Variants in VIPR1 observed in about 807,000 individuals in gnomAD.
VIPR1 encodes the protein vasoactive intestinal polypeptide receptor 1.
VIPR1 carries 59 observed loss-of-function variants against 58.8 expected under a neutral mutation model. That is an observed-to-expected ratio of 1.00 (90% CI 0.81 to 1.25). The LOEUF (loss-of-function observed/expected upper bound fraction) is 1.25, where lower values mean the gene tolerates loss of function less well. Among genes scored for constraint, VIPR1 ranks in the 50% most tolerant of loss-of-function variants. The probability of loss-of-function intolerance (pLI) is 0.00; values close to 1 mark genes in which losing one functional copy is unlikely to be tolerated. For missense variants in VIPR1, 626 were observed against 602.7 expected (o/e 1.04, Z -0.40); for synonymous variants, 251 against 242.1 (o/e 1.04, Z -0.34).
chr3:42,511,832 A>AT (rs1332484225), intron 1 of VIPR1: 1 of 152,154 alleles, frequency 6.6e-6, no homozygotes, highest in Non-Finnish European at 1.5e-5. Flanking sequence ...CCTGGCCACT[A>AT]TTCCCCCTAT....
At position 42,527,395 on chromosome 3, in the gene VIPR1, GCAGACCATGTTCTACGGTT is replaced by G. The variant is rs1380374113; in HGVS notation, c.404_422del (p.Gln135LeufsTer2). On this transcript the variant is annotated frameshift_variant, in exon 5 of 13. Coordinates refer to ENST00000325123, the MANE Select transcript of VIPR1 (RefSeq NM_004624.4). LOFTEE classifies it high-confidence loss of function. ...GCCTCTCCCTGTCCCTCCAACAGCA[GCAGACCATGTTCTACGGTT>G]CTGTGAAGACCGGCTACACCATTGG... 6.2e-7 allele frequency: 1 copy of G among 1,612,906 alleles called. No homozygotes were observed. Among genetic ancestry groups the G allele is most frequent in the South Asian group, 1.1e-5 (1 of 91,020 alleles).
Position 42,536,336 on chromosome 3 carries a change from C to G in VIPR1, c.*55C>G. On this transcript the variant is annotated 3_prime_UTR_variant, in exon 13 of 13. Transcript: ENST00000325123. ...CCCTCCCGCCCCTTCCCACTCACCC[C>G]GGCAGACGCCGGGGACAGAGGCCTG... 6.9e-7 allele frequency: 1 copy of G among 1,459,710 alleles called. No individual in the cohort carries two copies. Among genetic ancestry groups the G allele is most frequent in the Non-Finnish European group, 9.0e-7 (1 of 1,111,726 alleles). The allele number at this position is 1,459,710 out of a possible 1,614,324, so 90.4% of individuals were successfully genotyped here. A position where few individuals can be genotyped will look rare whatever the true frequency, so the allele number is the denominator to read the frequency against.
intron 3 of VIPR1, among the ~76,000 whole-genome samples, chr3:42,522,178 C>G (rs958785485): frequency 1.5e-5 from 2 of 133,824 alleles, no homozygotes; most frequent in Admixed American, 1.8e-4. Context: ...GTGGCACTAT[C>G]TCTGCTCACT....
At position 42,514,636 on chromosome 3, in the gene VIPR1, A is replaced by T. The variant is rs975151963; in HGVS notation, c.184+782A>T. Among the ~76,000 whole-genome samples, 13 of 150,918 alleles carry T rather than the reference A, an allele frequency of 8.6e-5. No individual in the cohort carries two copies. In the East Asian group the frequency reaches 2.4e-3, roughly 27 times the overall value. ...CAAACACACTGGCCTCTCCATCCCA[A>T]CCCACCCTTAGTGGCCAGATGAACC... On this transcript the variant is annotated intron_variant, in intron 2 of 12. Transcript: ENST00000325123.
At chr3:42,496,743 C>A (rs1444312317) in intron 1 of VIPR1, among the ~76,000 whole-genome samples, 2 of 152,136 alleles carry the variant, frequency 1.3e-5, no homozygotes, top group Non-Finnish European at 2.9e-5. Context: ...TATGATGATT[C>A]ATTTTTGTAA....
At chr3:42,536,042 T>C (rs752900326) in intron 12 of VIPR1, 48 bp from the exon 13 acceptor site, 6 of 1,528,772 alleles carry the variant, frequency 3.9e-6, no homozygotes, top group Non-Finnish European at 4.4e-6. Flanking sequence ...CAATCAGCAG[T>C]GGAAGAGGCT....
intron 3 of VIPR1, among the ~76,000 whole-genome samples, chr3:42,524,262 G>A (rs566213560): frequency 9.7e-4 from 148 of 152,356 alleles, no homozygotes; most frequent in Middle Eastern, 3.4e-3. Flanking sequence ...GAGGGGCTGG[G>A]CTGAAGGCTC....
In VIPR1 at chr3:42,502,761, C is replaced by G. The variant is rs1300765344; in HGVS notation, c.26C>G (p.Ala9Gly). The change falls in exon 1 of 13, where the codon GCC becomes GGC. Residue 9 changes from alanine to glycine, a missense_variant. Physicochemically the swap from Ala to Gly is moderately conservative, Grantham distance 60. Transcript: ENST00000325123. ...ATGCGCCCGCCAAGTCCGCTGCCCG[C>G]CCGCTGGCTATGCGTGCTGGCAGGC... MRPPSPLPARWLCVLAGAL... is the reference protein window; with the variant it reads MRPPSPLPGRWLCVLAGAL... 7 of 1,305,684 alleles carry G rather than the reference C, an allele frequency of 5.4e-6. No homozygotes were observed. In the East Asian group the frequency reaches 2.2e-4, roughly 40 times the overall value. 80.9% of individuals were successfully genotyped at this position (1,305,684 alleles called of 1,614,324 possible). A position where few individuals can be genotyped will look rare whatever the true frequency, so the allele number is the denominator to read the frequency against.
chr3:42,494,338 C>A (rs1400650681), intron 1 of VIPR1, among the ~76,000 whole-genome samples: 1 of 152,008 alleles, frequency 6.6e-6, no homozygotes, highest in African/African-American at 2.4e-5. Flanking sequence ...CATTATGATA[C>A]CTCGTAGAAT....
At chr3:42,499,274 G>A (rs1315381461), upstream of VIPR1, among the ~76,000 whole-genome samples, 1 of 152,158 alleles carries the variant, frequency 6.6e-6, no homozygotes, top group East Asian at 1.9e-4. Flanking sequence ...TCACCACCAT[G>A]GAGCCCCTGA....
intron 1 of VIPR1, among the ~76,000 whole-genome samples, chr3:42,507,722 C>G (rs1054371250): frequency 6.6e-6 from 1 of 152,136 alleles, no homozygotes; most frequent in African/African-American, 2.4e-5. Flanking sequence ...AGAAACCTTC[C>G]AAGAAGAACC....
rs1190741895 is a variant in VIPR1 at position 42,531,872 on chromosome 3, A to G, written c.918+3A>G. 6.2e-7 allele frequency: 1 copy of G among 1,614,048 alleles called. No homozygotes were observed. Among genetic ancestry groups the G allele is most frequent in the Non-Finnish European group, 8.5e-7 (1 of 1,180,016 alleles). ...GCCCCATCCTCACCTCCATCTTGGT[A>G]AGATACCCTCCCACCACCTAGAGAT... On this transcript the variant is annotated splice_donor_region_variant and intron_variant, in intron 9 of 12. Coordinates refer to ENST00000325123, the MANE Select transcript of VIPR1 (RefSeq NM_004624.4).
chr3:42,513,299 C>G (rs735773), intron 1 of VIPR1: 20,001 of 153,490 alleles, frequency 0.13, 1,487 homozygotes, highest in East Asian at 0.35. Context: ...CCAGGGCTGG[C>G]CCTGGGAACC....
intron 3 of VIPR1, 71 bp downstream of exon 3, chr3:42,519,401 T>C: frequency 2.2e-6 from 3 of 1,387,622 alleles, no homozygotes; most frequent in Non-Finnish European, 1.9e-6. Context: ...CTCAAGGAAG[T>C]GGAAAGGCAA....
At chr3:42,518,593 G>C (rs897209636) in intron 2 of VIPR1, among the ~76,000 whole-genome samples, 4 of 152,304 alleles carry the variant, frequency 2.6e-5, no homozygotes, top group East Asian at 1.9e-4. Flanking sequence ...ACAAAAATTA[G>C]CCGGGCGTGG....
In VIPR1 at chr3:42,528,435, C is replaced by T. The variant is rs1701356132; in HGVS notation, c.636+312C>T. On this transcript the variant is annotated intron_variant, in intron 6 of 12. Coordinates refer to ENST00000325123, the MANE Select transcript of VIPR1 (RefSeq NM_004624.4). ...GAGCACCTGTCCCACCTGTTGCTAA[C>T]TTCCTATGTGGCCTTGGGGAACTTA... 3 of 344,834 alleles carry T rather than the reference C, an allele frequency of 8.7e-6. No homozygotes were observed. The South Asian group carries it at 1.7e-4, about 20-fold the overall frequency. The allele number at this position is 344,834 out of a possible 1,614,324, so 21.4% of individuals were successfully genotyped here. A position where few individuals can be genotyped will look rare whatever the true frequency, so the allele number is the denominator to read the frequency against.
intron 1 of VIPR1, chr3:42,509,183 A>C (rs1321248679): frequency 6.6e-6 from 1 of 152,118 alleles, no homozygotes; most frequent in Non-Finnish European, 1.5e-5. Flanking sequence ...CTCCTGCCTC[A>C]CCTTATCCAG....
At chr3:42,535,471 G>A in intron 12 of VIPR1, 87 bp downstream of exon 12, 14 of 1,454,722 alleles carry the variant, frequency 9.6e-6, no homozygotes, top group Non-Finnish European at 1.3e-5. Context: ...TGCAGAGCAA[G>A]GACGGGTTAA....
intron 2 of VIPR1, among the ~76,000 whole-genome samples, chr3:42,515,554 G>C (rs888071173): frequency 1.3e-5 from 2 of 152,244 alleles, no homozygotes; most frequent in African/African-American, 4.8e-5. Context: ...ATTCCAATGA[G>C]GTCACTGCTG....
Sources: allele counts gnomAD v4.1 joint callset (sites outside exome capture counted in the v4.1 genomes callset), GRCh38; gene constraint gnomAD v4.1.1; transcripts MANE v1.5; gene names NCBI Gene and HGNC (gene_info 2026-07-23, HGNC 2026-07-21).